COL8A1: variants seen among roughly 807,000 people sequenced by gnomAD.
The protein encoded by COL8A1 is collagen type VIII alpha 1 chain.
A neutral mutation model predicts 42.7 loss-of-function variants in COL8A1; 21 were observed. The observed-to-expected ratio is 0.49, with a 90% CI of 0.35 to 0.71. The LOEUF is 0.71. Ranked by LOEUF, COL8A1 falls within the 30% of genes least tolerant of loss-of-function variation. COL8A1 has a pLI of 0.01. For missense variants in COL8A1, 788 were observed against 962.4 expected, an observed-to-expected ratio of 0.82 and a Z score of 2.40; for synonymous variants, 367 against 369.1, an observed-to-expected ratio of 0.99 and a Z score of 0.06.
rs1031782110 is a variant in COL8A1, at chr3:99,794,119, T to G, written c.329-111T>G. The G allele has an allele frequency of 8.9e-6, 6 of 673,382 alleles. No homozygotes were observed. The Admixed American group carries it at 1.5e-4, about 17-fold the overall frequency. The allele number at this position is 673,382 out of a possible 1,614,324, so 41.7% of individuals were successfully genotyped here. ...TTTCTCTTGATAAGTATTAGGCAAA[T>G]GTGTCAGAACTAAATAATGGTTGTC... On this transcript the variant is annotated intron_variant, in intron 3 of 3. Coordinates refer to ENST00000652472, the MANE Select transcript of COL8A1 (RefSeq NM_020351.4). This position sits in a 1 kb window ranked among gnomAD's most constrained non-coding sequence, Gnocchi z 4.3.
chr3:99,663,958 A>T (rs1478367119), intron 1 of COL8A1, among the ~76,000 whole-genome samples: 6 of 152,128 alleles, frequency 3.9e-5, no homozygotes, highest in Non-Finnish European at 4.4e-5. Flanking sequence ...CACAATGGAC[A>T]CTCCCTCACA....
intron 1 of COL8A1, among the ~76,000 whole-genome samples, chr3:99,673,689 T>C (rs775187389): frequency 2.0e-5 from 3 of 152,078 alleles, no homozygotes; most frequent in Non-Finnish European, 2.9e-5. Context: ...GAGGATTTCT[T>C]TTAGAATATC....
At chr3:99,677,155 T>C (rs2107319164) in intron 1 of COL8A1, among the ~76,000 whole-genome samples, 1 of 151,908 alleles carries the variant, frequency 6.6e-6, no homozygotes. Flanking sequence ...CATATATATA[T>C]ATAAGCACAT....
In COL8A1 at chr3:99,798,571, C is replaced by T. The variant is rs1576481774; in HGVS notation, c.*2435C>T. ...CAAATTTCACTTTTCAAAATATCTT[C>T]CAACTTATTTATTGGTTGTCACTCA... On this transcript the variant is annotated 3_prime_UTR_variant, in exon 4 of 4. Coordinates refer to ENST00000652472, the MANE Select transcript of COL8A1 (RefSeq NM_020351.4). 6 of 152,092 alleles carry T rather than the reference C, an allele frequency of 3.9e-5. No individual in the cohort carries two copies. In the South Asian group the frequency reaches 1.2e-3, roughly 32 times the overall value. 9.4% of individuals were successfully genotyped at this position (152,092 alleles called of 1,614,324 possible).
At chr3:99,723,081 A>G (rs1940203444) in intron 1 of COL8A1, among the ~76,000 whole-genome samples, 1 of 151,790 alleles carries the variant, frequency 6.6e-6, no homozygotes, top group African/African-American at 2.4e-5. Flanking sequence ...TTCAGGAAGG[A>G]AGCCTAAGTT....
intron 1 of COL8A1, among the ~76,000 whole-genome samples, chr3:99,729,696 T>G (rs555745298): frequency 6.6e-6 from 1 of 152,098 alleles, no homozygotes; most frequent in South Asian, 2.1e-4. Flanking sequence ...TTAGTTTTTG[T>G]AAAAAATCAG....
intron 2 of COL8A1, among the ~76,000 whole-genome samples, chr3:99,757,625 T>C (rs1941280001): frequency 6.6e-6 from 1 of 152,208 alleles, no homozygotes; most frequent in Admixed American, 6.5e-5. Context: ...CCTTTATCAG[T>C]TCTGACCTCA....
chr3:99,725,918 G>A (rs1262302726), intron 1 of COL8A1, among the ~76,000 whole-genome samples: 4 of 152,006 alleles, frequency 2.6e-5, no homozygotes, highest in Admixed American at 1.3e-4. Context: ...ATAATCCTTT[G>A]GGTATATACC....
At chr3:99,753,051 G>A (rs868221657) in intron 2 of COL8A1, among the ~76,000 whole-genome samples, 3 of 152,272 alleles carry the variant, frequency 2.0e-5, no homozygotes, top group African/African-American at 7.2e-5. Flanking sequence ...AATGTTATCT[G>A]AGGACCCTTC....
At chr3:99,792,506 T>C (rs1416372447) in intron 3 of COL8A1, among the ~76,000 whole-genome samples, 1 of 152,252 alleles carries the variant, frequency 6.6e-6, no homozygotes, top group Non-Finnish European at 1.5e-5. Context: ...GCATGTTCAT[T>C]ATAACAGCAC....
At chr3:99,727,011 C>T in intron 1 of COL8A1, among the ~76,000 whole-genome samples, 1 of 115,116 alleles carries the variant, frequency 8.7e-6, no homozygotes, top group African/African-American at 3.2e-5. Flanking sequence ...GGCAGTATGG[C>T]CATTTTCATG....
At chr3:99,648,300 G>T (rs958403107) in intron 1 of COL8A1, among the ~76,000 whole-genome samples, 4 of 152,092 alleles carry the variant, frequency 2.6e-5, no homozygotes, top group African/African-American at 4.8e-5. Flanking sequence ...TGCTTCTCAT[G>T]ATGTCTTGTC....
At position 99,725,314 on chromosome 3, in the gene COL8A1, T is replaced by C. The variant is rs1474888462; in HGVS notation, c.-128-19583T>C. 2.6e-5 allele frequency among the ~76,000 whole-genome samples: 4 copies of C among 152,166 alleles called. No individual in the cohort carries two copies. The East Asian group carries it at 7.7e-4, about 29-fold the overall frequency. On this transcript the variant is annotated intron_variant, in intron 1 of 3. Coordinates refer to ENST00000652472, the MANE Select transcript of COL8A1 (RefSeq NM_020351.4). The stretch of plus-strand genomic sequence containing the variant: ...CTCTTAGCTTCTTTTAAACGTCTGT[T>C]TGAAAACTTTTCTTACTGTAAAATG...
intron 1 of COL8A1, among the ~76,000 whole-genome samples, chr3:99,644,981 A>G (rs914709739): frequency 2.0e-5 from 3 of 152,202 alleles, no homozygotes; most frequent in African/African-American, 7.2e-5. Flanking sequence ...TGGCTAGTTT[A>G]TGGCAGCAGA....
intron 1 of COL8A1, among the ~76,000 whole-genome samples, chr3:99,726,587 T>C (rs191891418): frequency 6.6e-6 from 1 of 152,274 alleles, no homozygotes; most frequent in Non-Finnish European, 1.5e-5. Flanking sequence ...TTGATTTTTG[T>C]ATAAGGTGTA....
chr3:99,703,425 AAAGATGTTAAATGCAGAGGC>A (rs1270902499), intron 1 of COL8A1: 12 of 152,190 alleles, frequency 7.9e-5, no homozygotes, highest in African/African-American at 2.9e-4. Context: ...CCTCCTGAAG[AAAGATGTTAAATGCAGAGGC>A]AAGGAAAATT....
chr3:99,773,833 A>ATTTTTTTTT (rs1267329766), intron 2 of COL8A1, among the ~76,000 whole-genome samples: 1 of 71,658 alleles, frequency 1.4e-5, no homozygotes, highest in African/African-American at 6.5e-5. Flanking sequence ...ATATATATAT[A>ATTTTTTTTT]TATATTTTTT....
At position 99,662,273 on chromosome 3, in the gene COL8A1, T is replaced by A. The variant is rs560080203; in HGVS notation, c.-129+23609T>A. On this transcript the variant is annotated intron_variant, in intron 1 of 3. Transcript: ENST00000652472. ...GGTGAGTGCCTATAATCCCAGCTAC[T>A]GGGGAGGCGGAGGCAGGAGAATCGC... Among the ~76,000 whole-genome samples the A allele has an allele frequency of 1.1e-4, 16 of 150,342 alleles. No individual in the cohort carries two copies. The East Asian group carries it at 3.2e-3, about 30-fold the overall frequency.
At chr3:99,773,024 T>C (rs1160968933) in intron 2 of COL8A1, among the ~76,000 whole-genome samples, 1 of 152,158 alleles carries the variant, frequency 6.6e-6, no homozygotes, top group Non-Finnish European at 1.5e-5. Context: ...TTTAACCTCT[T>C]TGGGCCCTCA....
Sources: gnomAD v4.1 joint callset for allele counts (sites outside exome capture counted in the v4.1 genomes callset) on GRCh38, gnomAD v4.1.1 for gene constraint, Gnocchi (gnomAD v3.1) non-coding constraint, MANE v1.5 for transcripts, NCBI Gene and HGNC (gene_info 2026-07-23, HGNC 2026-07-21) for gene names.